The following KCNAB1 variants were observed in gnomAD, a reference collection of about 807,000 sequenced individuals.
KCNAB1 encodes potassium voltage-gated channel subfamily A regulatory beta subunit 1.
In KCNAB1, 35 loss-of-function variants were observed where a neutral mutation model predicts 64.6. That is an observed-to-expected ratio of 0.54 (90% CI 0.41 to 0.72). The LOEUF is 0.72. KCNAB1 is among the 30% of genes least tolerant of loss of function. KCNAB1 has a pLI of 0.00. For synonymous variants in KCNAB1, 177 were observed against 183.8 expected (o/e 0.96, Z 0.30); for missense variants, 401 against 512.9 (o/e 0.78, Z 2.11).
At chr3:156,530,177 AGAAATTTT>A (rs1160646889) in intron 12 of KCNAB1, among the ~76,000 whole-genome samples, 2 of 152,234 alleles carry the variant, frequency 1.3e-5, no homozygotes, top group Non-Finnish European at 2.9e-5. Flanking sequence ...AGACACAGTA[AGAAATTTT>A]GAAATGGGGT....
At chr3:156,461,136 A>G (rs1576896356) in intron 5 of KCNAB1, among the ~76,000 whole-genome samples, 1 of 152,144 alleles carries the variant, frequency 6.6e-6, no homozygotes, top group Non-Finnish European at 1.5e-5. Context: ...GTATTGGTTT[A>G]CCCATCACTG....
chr3:156,148,079 C>T (rs1257495007), intron 1 of KCNAB1, among the ~76,000 whole-genome samples: 1 of 152,082 alleles, frequency 6.6e-6, no homozygotes, highest in Non-Finnish European at 1.5e-5. Flanking sequence ...CTGTGACTTG[C>T]TTAGTCCTGC....
At chr3:156,317,104 G>T in intron 1 of KCNAB1, among the ~76,000 whole-genome samples, 1 of 152,194 alleles carries the variant, frequency 6.6e-6, no homozygotes, top group Non-Finnish European at 1.5e-5. Flanking sequence ...TCAGTTTCAG[G>T]GAGATATTTT....
At chr3:156,293,344 C>T (rs1027530) in intron 1 of KCNAB1, among the ~76,000 whole-genome samples, 49,963 of 152,100 alleles carry the variant, frequency 0.33, 10,455 homozygotes, top group African/African-American at 0.6. Flanking sequence ...GTTAATTGTC[C>T]ATATCTAACT....
At chr3:156,265,119 C>G (rs1037151622) in intron 1 of KCNAB1, among the ~76,000 whole-genome samples, 1 of 152,130 alleles carries the variant, frequency 6.6e-6, no homozygotes, top group South Asian at 2.1e-4. Flanking sequence ...TCCTGGACCA[C>G]CTAATACTAT....
intron 8 of KCNAB1, among the ~76,000 whole-genome samples, chr3:156,504,751 G>GTTTTTTTTTTT (rs71302274): frequency 3.8e-5 from 5 of 132,748 alleles, no homozygotes; most frequent in East Asian, 2.2e-4. Context: ...TGTTTTTTTT[G>GTTTTTTTTTTT]TTTTTTTTTT....
At chr3:156,312,703 C>CAA (rs397991453) in intron 1 of KCNAB1, among the ~76,000 whole-genome samples, 710 of 27,398 alleles carry the variant, frequency 0.026, 134 homozygotes, top group African/African-American at 0.049. Context: ...AGACTGTCTC[C>CAA]AAAAAAAAAA....
chr3:156,268,041 C>G (rs546586081), intron 1 of KCNAB1, among the ~76,000 whole-genome samples: 1 of 150,574 alleles, frequency 6.6e-6, no homozygotes, highest in African/African-American at 2.4e-5. Context: ...CCCCATTACA[C>G]TTCCCAACCT....
chr3:156,433,426 C>T (rs895373579), intron 2 of KCNAB1, among the ~76,000 whole-genome samples: 4 of 152,078 alleles, frequency 2.6e-5, no homozygotes, highest in Non-Finnish European at 5.9e-5. Flanking sequence ...AAATATAAAG[C>T]GTCATGGAAA....
intron 1 of KCNAB1, among the ~76,000 whole-genome samples, chr3:156,354,242 A>C (rs1375684661): frequency 6.8e-6 from 1 of 147,864 alleles, no homozygotes. Flanking sequence ...GGCTCACCGC[A>C]AACTCTGCCT....
chr3:156,535,015 C>CA (rs150665152), intron 13 of KCNAB1, among the ~76,000 whole-genome samples: 2,431 of 144,028 alleles, frequency 0.017, 24 homozygotes, highest in African/African-American at 0.017. Context: ...GTATTTTAGA[C>CA]AAAAAAAAAA....
chr3:156,497,637 A>C (rs754265217), intron 8 of KCNAB1, among the ~76,000 whole-genome samples: 6 of 152,198 alleles, frequency 3.9e-5, no homozygotes, highest in Non-Finnish European at 8.8e-5. Context: ...GAAATTTAAG[A>C]CTTGAGTCAG....
chr3:156,398,580 G>A (rs1253093739), intron 1 of KCNAB1, among the ~76,000 whole-genome samples: 1 of 127,288 alleles, frequency 7.9e-6, no homozygotes, highest in Non-Finnish European at 1.6e-5. Context: ...GCGACAGCGA[G>A]ACTCCGTCTC....
intron 11 of KCNAB1, among the ~76,000 whole-genome samples, chr3:156,522,318 A>G (rs1016976930): frequency 6.6e-6 from 1 of 152,072 alleles, no homozygotes; most frequent in African/African-American, 2.4e-5. Context: ...TGTTTTTCCC[A>G]CTGAGGACAC....
chr3:156,150,269 C>A (rs564660539), intron 1 of KCNAB1, among the ~76,000 whole-genome samples: 1 of 152,096 alleles, frequency 6.6e-6, no homozygotes, highest in African/African-American at 2.4e-5. Context: ...AATAGAAATT[C>A]TAAAATAAGT....
At chr3:156,520,387 C>A (rs921727134) in intron 11 of KCNAB1, among the ~76,000 whole-genome samples, 4 of 152,002 alleles carry the variant, frequency 2.6e-5, no homozygotes, top group Admixed American at 6.5e-5. Context: ...TTGAGACCAG[C>A]CTGGGCAAAA....
At chr3:156,201,045 C>T (rs925268860) in intron 1 of KCNAB1, among the ~76,000 whole-genome samples, 16 of 152,286 alleles carry the variant, frequency 1.1e-4, no homozygotes, top group East Asian at 1.9e-4. Context: ...CAGTCTCTCA[C>T]GGCATCCCTT....
intron 1 of KCNAB1, among the ~76,000 whole-genome samples, chr3:156,253,318 G>C (rs1043013536): frequency 1.3e-5 from 2 of 152,190 alleles, no homozygotes; most frequent in African/African-American, 4.8e-5. Context: ...GAGATACGTG[G>C]CTGAAACAAA....
chr3:156,236,268 T>C (rs1472354327), intron 1 of KCNAB1, among the ~76,000 whole-genome samples: 1 of 152,168 alleles, frequency 6.6e-6, no homozygotes, highest in Non-Finnish European at 1.5e-5. Context: ...GCCGTTCAGC[T>C]CCTGCAAAGT....
Sources: gnomAD v4.1 joint callset for allele counts (sites outside exome capture counted in the v4.1 genomes callset) on GRCh38, gnomAD v4.1.1 for gene constraint, MANE v1.5 for transcripts, NCBI Gene and HGNC (gene_info 2026-07-23, HGNC 2026-07-21) for gene names.